The following COL6A5 variants were observed in gnomAD, a reference collection of about 807,000 sequenced individuals.
The protein encoded by COL6A5 is collagen type VI alpha 5 chain, also known as collagen alpha-5(VI) chain.
Under a neutral mutation model 65.6 loss-of-function variants are expected in COL6A5, and 48 were observed. The ratio of observed to expected loss-of-function variants is 0.73; its 90% CI spans 0.58 to 0.93. COL6A5 has a LOEUF of 0.93. Ranked by LOEUF, COL6A5 falls within the 40% of genes least tolerant of loss-of-function variation. The pLI is 0.00. For synonymous variants in COL6A5, 291 were observed against 322.8 expected (o/e 0.90, Z 1.05); for missense variants, 914 against 928.3 (o/e 0.98, Z 0.20).
chr3:130,454,023 A>G (rs1017886343), intron 4 of COL6A5, among the ~76,000 whole-genome samples: 1 of 152,308 alleles, frequency 6.6e-6, no homozygotes, highest in East Asian at 1.9e-4. Context: ...AAGGAAAACC[A>G]ATTCCTATAG....
chr3:130,374,147 A>G (rs1935674478), intron 2 of COL6A5, among the ~76,000 whole-genome samples: 1 of 152,152 alleles, frequency 6.6e-6, no homozygotes, highest in South Asian at 2.1e-4. Context: ...GTCATACGTC[A>G]CTTAACAATG....
At chr3:130,432,009 G>A in intron 1 of COL6A5, 60 bp downstream of exon 33, 2 of 1,503,880 alleles carry the variant, frequency 1.3e-6, no homozygotes, top group Middle Eastern at 1.7e-4. Context: ...TTGTGATAGG[G>A]CAGGATGGGA....
At chr3:130,440,301 C>T (rs775593689) in exon 3 of COL6A5, 2 of 1,613,322 alleles carry the variant, frequency 1.2e-6, no homozygotes, top group Non-Finnish European at 8.5e-7. Context: ...TTGGTGAGCT[C>T]AGTGATTGAC....
chr3:130,387,527 C>T (rs142057913), intron 5 of COL6A5, among the ~76,000 whole-genome samples: 6 of 152,226 alleles, frequency 3.9e-5, no homozygotes, highest in African/African-American at 1.4e-4. Flanking sequence ...AATTTCTCCT[C>T]TCATGACTTT....
At chr3:130,394,751 A>T (rs955520426) in intron 7 of COL6A5, 139 bp from the exon 8 acceptor site, 4 of 631,012 alleles carry the variant, frequency 6.3e-6, no homozygotes, top group Non-Finnish European at 1.1e-5. Flanking sequence ...AGGATCAGTG[A>T]TTCTCTCTCT....
In COL6A5 at chr3:130,406,116, A is replaced by G. The variant is rs1284490345; in HGVS notation, c.4381-15A>G. The G allele has an allele frequency of 3.9e-6, 6 of 1,549,292 alleles. No homozygotes were observed. Among genetic ancestry groups the G allele is most frequent in the Admixed American group, 2.0e-5 (1 of 50,982 alleles). ...ACCTGCTTTTACCTGATGCCTGTCT[A>G]TTGTCATCTCTCAGGGAGGTCATGG... On this transcript the variant is annotated splice_polypyrimidine_tract_variant and intron_variant and NMD_transcript_variant, in intron 15 of 41. Coordinates refer to the COL6A5 transcript ENST00000312481.
chr3:130,468,805 T>C (rs1709877249), exon 6 of COL6A5: 1 of 1,606,804 alleles, frequency 6.2e-7, no homozygotes, highest in African/African-American at 1.3e-5. Context: ...GACATGAAAA[T>C]TATGGCAGAA....
intron 5 of COL6A5, among the ~76,000 whole-genome samples, chr3:130,456,647 A>G (rs1460108327): frequency 6.6e-6 from 1 of 152,090 alleles, no homozygotes; most frequent in Non-Finnish European, 1.5e-5. Flanking sequence ...AATTCCAAAG[A>G]GACTATTCAG....
In COL6A5 at chr3:130,471,668, C is replaced by T. The variant is rs766867140; in HGVS notation, c.2328+701C>T. On this transcript the variant is annotated intron_variant, in intron 7 of 7. Coordinates refer to ENST00000512836, the Ensembl canonical transcript of COL6A5. ...GGCTAACTAATTTTTTATCTCTCTTCTCTATTACCTCAGACTTCTTCCTGG... is the reference window on the plus strand; with the variant it reads ...GGCTAACTAATTTTTTATCTCTCTTTTCTATTACCTCAGACTTCTTCCTGG... 6.5e-6 allele frequency: 10 copies of T among 1,531,796 alleles called. No homozygotes were observed. The highest frequency in any genetic ancestry group is 5.9e-5 in the Admixed American group (3 of 50,670). 94.9% of individuals were successfully genotyped at this position (1,531,796 alleles called of 1,614,324 possible).
chr3:130,471,686 C>A (rs1360367032), intron 7 of COL6A5: 7 of 1,534,300 alleles, frequency 4.6e-6, no homozygotes, highest in African/African-American at 2.7e-5. Flanking sequence ...CCTCAGACTT[C>A]TTCCTGGGAT....
chr3:130,354,826 G>A (rs1187528018), intron 1 of COL6A5, among the ~76,000 whole-genome samples: 2 of 152,134 alleles, frequency 1.3e-5, no homozygotes, highest in African/African-American at 4.8e-5. Context: ...TTATAGCTGT[G>A]CTATCCAGTA....
At chr3:130,463,381 A>G (rs1358435807) in intron 5 of COL6A5, among the ~76,000 whole-genome samples, 1 of 152,078 alleles carries the variant, frequency 6.6e-6, no homozygotes, top group Non-Finnish European at 1.5e-5. Flanking sequence ...CACAAATGCC[A>G]TGAAAGGCAG....
chr3:130,451,407 G>A (rs1322008336), intron 4 of COL6A5, among the ~76,000 whole-genome samples: 1 of 152,124 alleles, frequency 6.6e-6, no homozygotes, highest in African/African-American at 2.4e-5. Context: ...AAGTATACTG[G>A]TGATTACTGC....
chr3:130,381,373 A>T (rs1935987892), intron 4 of COL6A5, among the ~76,000 whole-genome samples: 1 of 152,080 alleles, frequency 6.6e-6, no homozygotes, highest in Non-Finnish European at 1.5e-5. Context: ...CATTTAATGG[A>T]TATACCATAT....
At chr3:130,473,737 T>C (rs1171553302) in intron 7 of COL6A5, among the ~76,000 whole-genome samples, 1 of 152,066 alleles carries the variant, frequency 6.6e-6, no homozygotes, top group Non-Finnish European at 1.5e-5. Flanking sequence ...TGAAGCCTGT[T>C]AGTAATAATA....
exon 23 of COL6A5, chr3:130,415,682 G>A (rs1264819159): frequency 1.3e-6 from 2 of 1,548,846 alleles, no homozygotes; most frequent in East Asian, 2.4e-5. Context: ...GGAGAAAAAG[G>A]AAGCCAGGGG....
At chr3:130,397,504 A>C in intron 8 of COL6A5, 79 bp from the exon 9 acceptor site, 1 of 1,112,190 alleles carries the variant, frequency 9.0e-7, no homozygotes, top group South Asian at 1.6e-5. Context: ...GGGGCATGAC[A>C]GTGCTCCTTT....
At chr3:130,355,274 C>T (rs1934882456) in intron 1 of COL6A5, among the ~76,000 whole-genome samples, 1 of 151,940 alleles carries the variant, frequency 6.6e-6, no homozygotes, top group South Asian at 2.1e-4. Flanking sequence ...GCAAGAATTA[C>T]ACTTCTTGAA....
intron 2 of COL6A5, among the ~76,000 whole-genome samples, chr3:130,374,155 A>G (rs1401084746): frequency 1.3e-5 from 2 of 152,242 alleles, no homozygotes; most frequent in Admixed American, 6.5e-5. Context: ...TCACTTAACA[A>G]TGGGTGTACT....
Sources: allele counts gnomAD v4.1 joint callset (sites outside exome capture counted in the v4.1 genomes callset), GRCh38; gene constraint gnomAD v4.1.1; transcripts MANE v1.5; gene names NCBI Gene and HGNC (gene_info 2026-07-23, HGNC 2026-07-21).